ZNF417: variants seen among roughly 807,000 people sequenced by gnomAD.
ZNF417 encodes the protein zinc finger protein 417.
ZNF417 carries 5 observed loss-of-function variants against 7.4 expected under a neutral mutation model. The observed-to-expected ratio is 0.68, with a 90% CI of 0.35 to 1.43. The LOEUF (loss-of-function observed/expected upper bound fraction) is 1.43, where lower values mean the gene tolerates loss of function less well. Ranked by LOEUF, ZNF417 falls within the 40% of genes most tolerant of loss-of-function variation. The pLI is 0.04. For missense variants in ZNF417, 437 were observed against 697.3 expected (o/e 0.63, Z 4.20); for synonymous variants, 147 against 239.1 (o/e 0.61, Z 3.55).
chr19:57,913,463 C>G (rs1372180487), intron 1 of ZNF417, among the ~76,000 whole-genome samples: 1 of 152,136 alleles, frequency 6.6e-6, no homozygotes, highest in East Asian at 1.9e-4. Flanking sequence ...CTGTTTAAAG[C>G]CCAGCCCCTG....
In ZNF417 at chr19:57,906,194, T is replaced by G. The variant is rs991150412; in HGVS notation, c.*2356A>C. On this transcript the variant is annotated 3_prime_UTR_variant, in exon 3 of 3. Coordinates refer to ENST00000312026, the MANE Select transcript of ZNF417 (RefSeq NM_152475.3). ...GGTCATAATTTGTTTGAACGAGCCC[T>G]TTTAAACTTCTAGATATCATTGAAA... is the stretch of plus-strand genomic sequence containing the variant. Among the ~76,000 whole-genome samples the G allele has an allele frequency of 4.6e-5, 7 of 152,330 alleles. No individual in the cohort carries two copies. The highest frequency in any genetic ancestry group is 1.0e-4 in the Non-Finnish European group (7 of 68,024).
intron 2 of ZNF417, among the ~76,000 whole-genome samples, chr19:57,910,578 T>A (rs1395380568): frequency 1.3e-5 from 2 of 151,848 alleles, no homozygotes; most frequent in African/African-American, 4.8e-5. Context: ...AAAAGAAGAA[T>A]GAGCTGCCTA....
At chr19:57,916,194 G>A (rs1046975739) in intron 1 of ZNF417, among the ~76,000 whole-genome samples, 185 bp downstream of exon 1, 1 of 152,232 alleles carries the variant, frequency 6.6e-6, no homozygotes, top group African/African-American at 2.4e-5. Context: ...CTGGCAAGGT[G>A]AACCCACTGG....
chr19:57,913,799 G>A (rs2071920249), intron 1 of ZNF417, among the ~76,000 whole-genome samples: 1 of 151,976 alleles, frequency 6.6e-6, no homozygotes, highest in Admixed American at 6.6e-5. Context: ...CATCACTCAG[G>A]GACGTAAGTA....
At position 57,915,571 on chromosome 19, in the gene ZNF417, G is replaced by A. The variant is rs139318110; in HGVS notation, c.33+808C>T. 529 of 410,050 alleles carry A rather than the reference G, an allele frequency of 1.3e-3. 3 individuals carry two copies. The highest frequency in any genetic ancestry group is 0.01 in the African/African-American group (480 of 47,842). The allele number at this position is 410,050 out of a possible 1,614,324, so 25.4% of individuals were successfully genotyped here. On this transcript the variant is annotated intron_variant, in intron 1 of 2. Transcript: ENST00000312026. Reference sequence around the variant, plus strand: ...ACAGTGAAAGAAATCAGACCTTACTGACTCCGTCTTGCTTCCAACCTTTCA... The same window carrying A: ...ACAGTGAAAGAAATCAGACCTTACTAACTCCGTCTTGCTTCCAACCTTTCA...
At position 57,907,453 on chromosome 19, in the gene ZNF417, TG is replaced by T. The variant is rs1476908087; in HGVS notation, c.*1096del. 2 of 154,852 alleles carry T rather than the reference TG, an allele frequency of 1.3e-5. No homozygotes were observed. The highest frequency in any genetic ancestry group is 2.4e-5 in the African/African-American group (1 of 41,532). The allele number at this position is 154,852 out of a possible 1,614,324, so 9.6% of individuals were successfully genotyped here. ...TGGACTTTGTGAGGTTCCATGTGTT[TG>T]GTCAGTCATGAGAGGAAGAATAATT... On this transcript the variant is annotated 3_prime_UTR_variant, in exon 3 of 3. Transcript: ENST00000312026.
At position 57,906,510 on chromosome 19, in the gene ZNF417, C is replaced by A. The variant is rs981358315; in HGVS notation, c.*2040G>T. Among the ~76,000 whole-genome samples, 1 of 151,864 alleles carries A rather than the reference C, an allele frequency of 6.6e-6. No homozygotes were observed. Among genetic ancestry groups the A allele is most frequent in the Non-Finnish European group, 1.5e-5 (1 of 67,988 alleles). Reference sequence around the variant, plus strand: ...GAGTGCCGTGGCAGATGCCTGTAATCCCAGCACTTTAGGAGGCTGAGGGGG... The same window carrying A: ...GAGTGCCGTGGCAGATGCCTGTAATACCAGCACTTTAGGAGGCTGAGGGGG... On this transcript the variant is annotated 3_prime_UTR_variant, in exon 3 of 3. Coordinates refer to ENST00000312026, the MANE Select transcript of ZNF417 (RefSeq NM_152475.3).
rs1268330850 is a variant in ZNF417, at chr19:57,905,818, T to A, written c.*2732A>T. ...TGTATGAATCTTTTGTACAAAAAAA[T>A]TTCAACATATAAGTTGCATACAAGC... On this transcript the variant is annotated 3_prime_UTR_variant, in exon 3 of 3. Transcript: ENST00000312026. Among the ~76,000 whole-genome samples the A allele has an allele frequency of 6.6e-6, 1 of 152,154 alleles. No homozygotes were observed. The highest frequency in any genetic ancestry group is 2.4e-5 in the African/African-American group (1 of 41,428).
chr19:57,911,071 G>C (rs2071895009), intron 2 of ZNF417, among the ~76,000 whole-genome samples: 1 of 152,134 alleles, frequency 6.6e-6, no homozygotes, highest in Non-Finnish European at 1.5e-5. Flanking sequence ...AGAAGCATAT[G>C]TCAAGACCAA....
rs2071866862 is a variant in ZNF417, at chr19:57,909,068, C to T, written c.1210G>A (p.Gly404Arg). Residue 404 changes from glycine (G) to arginine (R), a missense_variant, in exon 3 of 3, where the codon GGA becomes AGA. Coordinates refer to ENST00000312026, the MANE Select transcript of ZNF417 (RefSeq NM_152475.3). The part of the protein sequence containing the change: ...NLVQHQRGHT[G>R]ERPYECKECG... ...TCCTTGCACTCATAGGGCCTTTCTC[C>T]AGTATGACCTCGCTGATGTTGAACG... 1.9e-6 allele frequency: 3 copies of T among 1,614,196 alleles called. No homozygotes were observed. Among genetic ancestry groups the T allele is most frequent in the Non-Finnish European group, 2.5e-6 (3 of 1,180,040 alleles).
chr19:57,916,381 G>C lies in ZNF417; in HGVS notation c.31C>G (p.Gln11Glu). The change falls in exon 1 of 3, where the codon CAG (glutamine) becomes GAG (glutamate). Residue 11 changes from glutamine to glutamate, a missense_variant and splice_region_variant. Physicochemically the swap from Gln to Glu is conservative, Grantham distance 29. This residue lies in a region of ZNF417 where 57 missense variants were observed against 70.7 expected (regional missense o/e 0.81). Transcript: ENST00000312026. The part of the protein sequence containing the change: MAAAAPRRPT[Q>E]QGTVTFEDVA... ...GGCACAGAAGGCGCCACAATTACCT[G>C]AGTCGGGCGCCTCGGCGCAGCCGCT... 6.2e-7 allele frequency: 1 copy of C among 1,614,202 alleles called. No homozygotes were observed. The highest frequency in any genetic ancestry group is 8.5e-7 in the Non-Finnish European group (1 of 1,180,058).
chr19:57,908,604 C>T lies in ZNF417; in HGVS notation c.1674G>A (p.Gln558=). The T allele has an allele frequency of 6.2e-7, 1 of 1,613,852 alleles. No homozygotes were observed. The highest frequency in any genetic ancestry group is 8.5e-7 in the Non-Finnish European group (1 of 1,180,008). The change falls in exon 3 of 3, where the codon CAG becomes CAA. Residue 558 remains glutamine (Q), a synonymous_variant. Transcript: ENST00000312026. The part of the protein sequence containing the change: ...YECTKCGKTF[Q]RSSTLLHHQS... ...GATGATGAAGGAGGGTAGAGCTTCG[C>T]TGAAATGTTTTTCCACATTTGGTAC... is the stretch of plus-strand genomic sequence containing the variant.
chr19:57,913,601 T>C (rs1483138215), intron 1 of ZNF417, among the ~76,000 whole-genome samples: 1 of 152,188 alleles, frequency 6.6e-6, no homozygotes, highest in African/African-American at 2.4e-5. Context: ...ATCCAGACAG[T>C]GATAAATAGT....
intron 1 of ZNF417, among the ~76,000 whole-genome samples, chr19:57,916,079 G>A (rs1417919510): frequency 2.6e-5 from 4 of 152,244 alleles, no homozygotes; most frequent in Non-Finnish European, 5.9e-5. Context: ...ACTGATTTGA[G>A]TAATAATAAA....
intron 1 of ZNF417, chr19:57,915,639 G>A: frequency 2.7e-6 from 1 of 372,382 alleles, no homozygotes; most frequent in Non-Finnish European, 4.7e-6. Context: ...ATTAACTTAG[G>A]GAAGGAATTC....
chr19:57,912,780 TG>T (rs1291015042), intron 1 of ZNF417, among the ~76,000 whole-genome samples: 1 of 151,990 alleles, frequency 6.6e-6, no homozygotes, highest in Non-Finnish European at 1.5e-5. Context: ...GGCTAATTTT[TG>T]TATTTTTTTT....
At position 57,906,031 on chromosome 19, in the gene ZNF417, T is replaced by C. The variant is rs1358407895; in HGVS notation, c.*2519A>G. Reference sequence around the variant, plus strand: ...CCCAGGCTAGAGTGCAGTGGTACCATCTCAGCTGATTGCAACCTCCATTTC... The same window carrying C: ...CCCAGGCTAGAGTGCAGTGGTACCACCTCAGCTGATTGCAACCTCCATTTC... On this transcript the variant is annotated 3_prime_UTR_variant, in exon 3 of 3. Transcript: ENST00000312026. Among the ~76,000 whole-genome samples the C allele has an allele frequency of 6.6e-6, 1 of 152,152 alleles. No homozygotes were observed. The highest frequency in any genetic ancestry group is 1.5e-5 in the Non-Finnish European group (1 of 68,032).
chr19:57,915,920 C>T (rs1228921551), intron 1 of ZNF417, among the ~76,000 whole-genome samples: 1 of 152,086 alleles, frequency 6.6e-6, no homozygotes, highest in Non-Finnish European at 1.5e-5. Flanking sequence ...ACACACAGAC[C>T]GGTAATCTGG....
Position 57,908,731 on chromosome 19 carries a change from C to T in ZNF417, c.1547G>A (p.Gly516Glu), listed in dbSNP as rs1236788393. ...TTCACTGCACTTATAAGGCTTTTGT[C>T]CAGAATGAACTCTTTTATGAACATG... ...ALHVHKRVHS[G>E]QKPYKCSECG... The change falls in exon 3 of 3, where the codon GGA becomes GAA. Residue 516 changes from glycine (G) to glutamate (E), a missense_variant. This residue lies in a region of ZNF417 where 233 missense variants were observed against 235.5 expected (regional missense o/e 0.99). Coordinates refer to ENST00000312026, the MANE Select transcript of ZNF417 (RefSeq NM_152475.3). 6.2e-7 allele frequency: 1 copy of T among 1,613,946 alleles called. No homozygotes were observed. Among genetic ancestry groups the T allele is most frequent in the African/African-American group, 1.3e-5 (1 of 74,884 alleles).
Sources: gnomAD v4.1 joint callset for allele counts (sites outside exome capture counted in the v4.1 genomes callset) on GRCh38, gnomAD v4.1.1 for gene constraint, gnomAD v4.1.1 regional missense constraint, MANE v1.5 for transcripts, NCBI Gene and HGNC (gene_info 2026-07-23, HGNC 2026-07-21) for gene names.